ATP10A: variants seen among roughly 807,000 people sequenced by gnomAD.
ATP10A encodes phospholipid-transporting ATPase VA.
A neutral mutation model predicts 147.8 loss-of-function variants in ATP10A; 111 were observed. That is an observed-to-expected ratio of 0.75 (90% CI 0.64 to 0.88). ATP10A has a LOEUF of 0.88. Among genes scored for constraint, ATP10A ranks in the 40% least tolerant of loss-of-function variants. The pLI is 0.00. For missense variants in ATP10A, 1,927 were observed against 1,959.0 expected (o/e 0.98, Z 0.31); for synonymous variants, 875 against 841.6 (o/e 1.04, Z -0.69).
chr15:25,744,960 G>T lies in ATP10A; in HGVS notation c.655-8819C>A, dbSNP rs12441954. Among the ~76,000 whole-genome samples the T allele has an allele frequency of 7.2e-5, 11 of 152,238 alleles. No individual in the cohort carries two copies. In the South Asian group the frequency reaches 2.3e-3, roughly 32 times the overall value. The stretch of plus-strand genomic sequence containing the variant: ...CCGCAGATGCAAGAACTTTTAAATA[G>T]GGTCTGTGAAGGGAGATTATACCTA... On this transcript the variant is annotated intron_variant, in intron 2 of 20. Coordinates refer to ENST00000555815, the MANE Select transcript of ATP10A (RefSeq NM_024490.4).
chr15:25,783,704 A>G (rs1382850598), intron 1 of ATP10A, among the ~76,000 whole-genome samples: 1 of 152,238 alleles, frequency 6.6e-6, no homozygotes, highest in Non-Finnish European at 1.5e-5. Context: ...AAGGCAAGCT[A>G]TCACCGCTAG....
intron 2 of ATP10A, among the ~76,000 whole-genome samples, chr15:25,739,954 C>T (rs1188396695): frequency 1.3e-5 from 2 of 152,138 alleles, no homozygotes; most frequent in Admixed American, 1.3e-4. Context: ...TGCCCAGAGC[C>T]CTGCGGCATG....
chr15:25,721,776 G>A lies in ATP10A; in HGVS notation c.1244C>T (p.Thr415Met), dbSNP rs1246720901. 8.1e-6 allele frequency: 13 copies of A among 1,614,038 alleles called. No homozygotes were observed. Among genetic ancestry groups the A allele is most frequent in the African/African-American group, 5.3e-5 (4 of 74,904 alleles). The change falls in exon 7 of 21, where the codon ACG becomes ATG. Residue 415 changes from threonine (T) to methionine (M), a missense_variant. Coordinates refer to ENST00000555815, the MANE Select transcript of ATP10A (RefSeq NM_024490.4). Reference sequence around the variant, plus strand: ...GTACTGTATCTGTCCTAAGTCTTCCGTGATGTTCAGAGCTCGGCACTGCAG... The same window carrying A: ...GTACTGTATCTGTCCTAAGTCTTCCATGATGTTCAGAGCTCGGCACTGCAG... ...SQLQCRALNITEDLGQIQYIF... is the reference protein window; with the variant it reads ...SQLQCRALNIMEDLGQIQYIF...
chr15:25,720,148 TTTA>T (rs1377687210), intron 7 of ATP10A, among the ~76,000 whole-genome samples: 1 of 152,206 alleles, frequency 6.6e-6, no homozygotes, highest in Admixed American at 6.5e-5. Context: ...AGCTTCCAAC[TTTA>T]TTATTATCTT....
intron 3 of ATP10A, among the ~76,000 whole-genome samples, chr15:25,728,026 G>C (rs1285685287): frequency 1.3e-5 from 2 of 152,174 alleles, no homozygotes; most frequent in Non-Finnish European, 2.9e-5. Flanking sequence ...TGTGGTTCCA[G>C]GTTTCCAGAA....
intron 2 of ATP10A, among the ~76,000 whole-genome samples, chr15:25,743,531 G>A (rs778198017): frequency 1.1e-4 from 17 of 152,238 alleles, no homozygotes; most frequent in Non-Finnish European, 2.2e-4. Context: ...TCTTTTCCCT[G>A]AGGAGGGTCT....
chr15:25,736,797 A>G (rs1887311802), intron 2 of ATP10A, among the ~76,000 whole-genome samples: 1 of 152,248 alleles, frequency 6.6e-6, no homozygotes, highest in Admixed American at 6.5e-5. Context: ...AGCCTTCAGT[A>G]TAAACGAGCA....
chr15:25,817,504 G>T (rs1183726854), intron 1 of ATP10A, among the ~76,000 whole-genome samples: 2 of 152,192 alleles, frequency 1.3e-5, no homozygotes, highest in Non-Finnish European at 2.9e-5. Context: ...GCAAATATTA[G>T]CAATATGGGG....
chr15:25,728,261 G>A (rs1902709617), intron 3 of ATP10A, among the ~76,000 whole-genome samples: 1 of 152,232 alleles, frequency 6.6e-6, no homozygotes, highest in Admixed American at 6.5e-5. Flanking sequence ...CTATGTCCTA[G>A]TGAAGAAGAG....
rs1388728019 is a variant in ATP10A, at chr15:25,679,589, C to A, written c.4252G>T (p.Ala1418Ser). 17 of 1,610,154 alleles carry A rather than the reference C, an allele frequency of 1.1e-5. No individual in the cohort carries two copies. In the Admixed American group the frequency reaches 1.3e-4, roughly 13 times the overall value. Residue 1418 changes from alanine (A) to serine (S), a missense_variant, in exon 21 of 21, where the codon GCC becomes TCC. Physicochemically the swap from Ala to Ser is moderately conservative, Grantham distance 99 (BLOSUM62 1). Coordinates refer to ENST00000555815, the MANE Select transcript of ATP10A (RefSeq NM_024490.4). Reference sequence around the variant, plus strand: ...AGGGGGGTCACCCTGCCGGTGCTGGCAGCTCTCACCTTGGACTCCTCAGGA... The same window carrying A: ...AGGGGGGTCACCCTGCCGGTGCTGGAAGCTCTCACCTTGGACTCCTCAGGA... ...GCPEESKVRA[A>S]STGRVTPLSS...
intron 1 of ATP10A, among the ~76,000 whole-genome samples, chr15:25,803,162 G>A (rs1387135780): frequency 6.6e-6 from 1 of 152,164 alleles, no homozygotes; most frequent in East Asian, 1.9e-4. Flanking sequence ...GAGGGAGACG[G>A]GTAATAAGCA....
intron 1 of ATP10A, among the ~76,000 whole-genome samples, chr15:25,796,162 C>T (rs570286172): frequency 1.3e-5 from 2 of 152,278 alleles, no homozygotes; most frequent in South Asian, 2.1e-4. Flanking sequence ...CAGGGCTAGG[C>T]GTGGTGGTTC....
intron 12 of ATP10A, among the ~76,000 whole-genome samples, chr15:25,702,642 T>C (rs975162430): frequency 6.6e-6 from 1 of 152,218 alleles, no homozygotes; most frequent in Non-Finnish European, 1.5e-5. Context: ...ATCCTAAATA[T>C]GCTTTTTCCA....
intron 1 of ATP10A, among the ~76,000 whole-genome samples, chr15:25,818,117 C>T (rs2140837532): frequency 6.6e-6 from 1 of 151,928 alleles, no homozygotes; most frequent in South Asian, 2.1e-4. Context: ...TTGTTTGAAA[C>T]ATCTGGGATA....
At chr15:25,845,966 T>C (rs1180495666) in intron 1 of ATP10A, among the ~76,000 whole-genome samples, 2 of 152,212 alleles carry the variant, frequency 1.3e-5, no homozygotes, top group East Asian at 1.9e-4. Context: ...TGCAATGGAA[T>C]GGTGTCCGCC....
chr15:25,708,354 T>C (rs1185055152), intron 10 of ATP10A, 54 bp from the exon 11 acceptor site: 11 of 1,488,808 alleles, frequency 7.4e-6, no homozygotes, highest in Non-Finnish European at 8.4e-6. Context: ...TGTGGAATGG[T>C]CTTCAGACAC....
intron 1 of ATP10A, among the ~76,000 whole-genome samples, chr15:25,846,876 G>A (rs564026340): frequency 4.6e-5 from 7 of 152,176 alleles, no homozygotes; most frequent in African/African-American, 1.7e-4. Flanking sequence ...ATAGATATAA[G>A]ATATTTATGC....
intron 2 of ATP10A, among the ~76,000 whole-genome samples, chr15:25,740,875 G>A (rs1171220853): frequency 6.6e-6 from 1 of 152,194 alleles, no homozygotes; most frequent in Non-Finnish European, 1.5e-5. Flanking sequence ...CAGGGTCACT[G>A]CGCTGACCTC....
chr15:25,778,907 C>T (rs894251162), intron 2 of ATP10A, among the ~76,000 whole-genome samples: 29 of 152,084 alleles, frequency 1.9e-4, no homozygotes, highest in African/African-American at 4.1e-4. Context: ...GATGGAGTCT[C>T]GCTCTGTCAC....
Sources: allele counts gnomAD v4.1 joint callset (sites outside exome capture counted in the v4.1 genomes callset), GRCh38; gene constraint gnomAD v4.1.1; transcripts MANE v1.5; gene names NCBI Gene and HGNC (gene_info 2026-07-23, HGNC 2026-07-21).